The following NOP56 variants were observed in gnomAD, a reference collection of about 807,000 sequenced individuals.
NOP56 encodes the protein NOP56 ribonucleoprotein.
A neutral mutation model predicts 58.3 loss-of-function variants in NOP56; 31 were observed. That is an observed-to-expected ratio of 0.53 (90% confidence interval 0.40 to 0.72). NOP56 has a LOEUF of 0.72. Ranked by LOEUF, NOP56 falls within the 30% of genes least tolerant of loss-of-function variation. The probability of loss-of-function intolerance (pLI) is 0.00; values close to 1 mark genes in which losing one functional copy is unlikely to be tolerated. For missense variants in NOP56, 669 were observed against 739.9 expected (o/e 0.90, Z 1.11); for synonymous variants, 313 against 282.8 (o/e 1.11, Z -1.07).
In NOP56 at chr20:2,658,287, A is replaced by G; in HGVS notation, c.1778A>G (p.Glu593Gly). The change falls in exon 12 of 12, where the codon GAA (glutamate) becomes GGA (glycine). Residue 593 changes from glutamate to glycine, a missense_variant. Physicochemically the swap from Glu to Gly is moderately conservative, Grantham distance 98. This residue lies in a region of NOP56 where 209 missense variants were observed against 196.2 expected (regional missense o/e 1.07). Transcript: ENST00000329276. ...KKKKFHKASQ[E>G]D ...AAAAAGTTCCATAAAGCATCCCAGG[A>G]AGATTAGAATGCAAATGGACATTCT... The G allele has an allele frequency of 1.3e-6, 2 of 1,596,738 alleles. No individual in the cohort carries two copies. Among genetic ancestry groups the G allele is most frequent in the Non-Finnish European group, 1.7e-6 (2 of 1,171,668 alleles).
In NOP56 at chr20:2,657,099, G is replaced by C. The variant is rs758140839; in HGVS notation, c.1300G>C (p.Glu434Gln). 2 of 1,614,002 alleles carry C rather than the reference G, an allele frequency of 1.2e-6. No individual in the cohort carries two copies. Among genetic ancestry groups the C allele is most frequent in the African/African-American group, 2.7e-5 (2 of 74,910 alleles). Residue 434 changes from glutamate (E) to glutamine (Q), a missense_variant, in exon 11 of 12, where the codon GAG becomes CAG. Physicochemically the swap from Glu to Gln is conservative, Grantham distance 29. Around this residue, in one of 3 missense-constraint regions of NOP56, gnomAD observed 209 missense variants for 196.2 expected, o/e 1.07. Transcript: ENST00000329276. ...TGACCAGGCAGAGGAAGCGGCTGCT[G>C]AGATTACTAGGAAGCTGGAGAAACA... ...AMVQAEEAAA[E>Q]ITRKLEKQEK...
At chr20:2,657,018 C>G in intron 10 of NOP56, 63 bp from the exon 11 acceptor site, 1 of 1,613,882 alleles carries the variant, frequency 6.2e-7, no homozygotes, top group African/African-American at 1.3e-5. Flanking sequence ...TCCAATAAAG[C>G]CAGAAAGGAG....
At chr20:2,656,726 TA>T in intron 9 of NOP56, 47 bp from the exon 10 acceptor site, 1 of 1,614,008 alleles carries the variant, frequency 6.2e-7, no homozygotes, top group Non-Finnish European at 8.5e-7. Context: ...AGGGTTGGGG[TA>T]GTTTCTCTCT....
At chr20:2,656,937 G>C in intron 10 of NOP56, 42 bp downstream of exon 10, 2 of 1,614,048 alleles carry the variant, frequency 1.2e-6, no homozygotes, top group East Asian at 2.2e-5. Context: ...ATAGCTAGCT[G>C]TTGGAGGTGA....
In NOP56 at chr20:2,652,647, C is replaced by T. The variant is rs1412528458; in HGVS notation, c.-14C>T. 2 of 1,422,138 alleles carry T rather than the reference C, an allele frequency of 1.4e-6. No individual in the cohort carries two copies. The highest frequency in any genetic ancestry group is 2.9e-5 in the East Asian group (1 of 34,222). The allele number at this position is 1,422,138 out of a possible 1,614,324, so 88.1% of individuals were successfully genotyped here. A position where few individuals can be genotyped will look rare whatever the true frequency, so the allele number is the denominator to read the frequency against. On this transcript the variant is annotated 5_prime_UTR_variant, in exon 1 of 12. Coordinates refer to ENST00000329276, the MANE Select transcript of NOP56 (RefSeq NM_006392.4). ...CGCTAGCCGCATTGCGAGCCGAACC[C>T]GGGAGCTGGCGCCATGGTGAGGAGT...
intron 7 of NOP56, 60 bp from the exon 8 acceptor site, chr20:2,655,874 C>G: frequency 6.2e-7 from 1 of 1,611,144 alleles, no homozygotes; most frequent in Non-Finnish European, 8.5e-7. Context: ...GCAGGGCTGT[C>G]GTGCAACTGG....
Position 2,654,344 on chromosome 20 carries a change from A to T in NOP56, c.209-70A>T, listed in dbSNP as rs1314391355. ...CCAGCGTGCTCGGTGGGACCAGGGT[A>T]GTCAGCTGAGGGATGTTAGAGTTGA... is the stretch of plus-strand genomic sequence containing the variant. On this transcript the variant is annotated intron_variant, in intron 3 of 11. Transcript: ENST00000329276. 23 of 1,535,086 alleles carry T rather than the reference A, an allele frequency of 1.5e-5. 1 individual carries two copies. In the East Asian group the frequency reaches 5.0e-4, roughly 33 times the overall value.
chr20:2,652,711 GCC>G lies in NOP56; in HGVS notation c.3+49_3+50del, dbSNP rs753640362. 42 of 1,496,080 alleles carry G rather than the reference GCC, an allele frequency of 2.8e-5. No homozygotes were observed. The South Asian group carries it at 4.9e-4, about 18-fold the overall frequency. The allele number at this position is 1,496,080 out of a possible 1,614,324, so 92.7% of individuals were successfully genotyped here. A position where few individuals can be genotyped will look rare whatever the true frequency, so the allele number is the denominator to read the frequency against. ...GGGCGACGCGACGGTGGGGGTTTCG[GCC>G]TGCGTTCGGGCCGCAGACAGGGCCT... On this transcript the variant is annotated intron_variant, in intron 1 of 11. Coordinates refer to ENST00000329276, the MANE Select transcript of NOP56 (RefSeq NM_006392.4).
intron 3 of NOP56, 72 bp from the exon 4 acceptor site, chr20:2,654,342 G>A: frequency 1.3e-6 from 2 of 1,548,090 alleles, no homozygotes; most frequent in South Asian, 1.1e-5. Context: ...TGGGACCAGG[G>A]TAGTCAGCTG....
intron 1 of NOP56, 25 bp from the exon 2 acceptor site, chr20:2,652,817 G>C: frequency 1.2e-6 from 2 of 1,603,224 alleles, no homozygotes; most frequent in Non-Finnish European, 1.7e-6. Context: ...TTGCGTTGAC[G>C]CTCGCGCCCC....
intron 3 of NOP56, 93 bp from the exon 4 acceptor site, chr20:2,654,321 A>G (rs2086789373): frequency 7.5e-7 from 1 of 1,335,998 alleles, no homozygotes; most frequent in Non-Finnish European, 1.1e-6. Flanking sequence ...ATGCCATCCC[A>G]GCGTGCTCGG....
Position 2,652,866 on chromosome 20 carries a change from C to T in NOP56, c.28C>T (p.His10Tyr), listed in dbSNP as rs2086767503. 1.9e-6 allele frequency: 3 copies of T among 1,611,480 alleles called. No individual in the cohort carries two copies. The highest frequency in any genetic ancestry group is 2.5e-6 in the Non-Finnish European group (3 of 1,179,194). ...GGTGCTGTTGCACGTGCTGTTTGAG[C>T]ACGCGGTCGGCTACGCGCTGCTGGC... The part of the protein sequence containing the change: MVLLHVLFE[H>Y]AVGYALLALK... The change falls in exon 2 of 12, where the codon CAC (histidine) becomes TAC (tyrosine). Residue 10 changes from histidine to tyrosine, a missense_variant. Physicochemically the swap from His to Tyr is moderately conservative, Grantham distance 83. Around this residue, in one of 3 missense-constraint regions of NOP56, gnomAD observed 121 missense variants for 113.1 expected, o/e 1.07. Transcript: ENST00000329276.
chr20:2,656,720 T>G, intron 9 of NOP56, 54 bp from the exon 10 acceptor site: 1 of 1,613,708 alleles, frequency 6.2e-7, no homozygotes, highest in East Asian at 2.2e-5. Flanking sequence ...GAACACAGGG[T>G]TGGGGTAGTT....
chr20:2,653,370 A>C lies in NOP56; in HGVS notation c.185A>C (p.Glu62Ala). Residue 62 changes from glutamate (E) to alanine (A), a missense_variant, in exon 3 of 12, where the codon GAA (glutamate) becomes GCA (alanine). This residue lies in a region of NOP56 where 121 missense variants were observed against 113.1 expected (regional missense o/e 1.07). Transcript: ENST00000329276. ...TTTGCCTCATCCCAGGTTGCCTTGGAAAATGCCAACGCCGTGTCTGAAGGT... is the reference window on the plus strand; with the variant it reads ...TTTGCCTCATCCCAGGTTGCCTTGGCAAATGCCAACGCCGTGTCTGAAGGT... Reference protein sequence around the residue: ...CPFASSQVALENANAVSEGVV... With the variant: ...CPFASSQVALANANAVSEGVV... 5 of 1,614,086 alleles carry C rather than the reference A, an allele frequency of 3.1e-6. No homozygotes were observed. Among genetic ancestry groups the C allele is most frequent in the Non-Finnish European group, 4.2e-6 (5 of 1,179,934 alleles).
At chr20:2,655,081 T>C (rs1412092859) in intron 5 of NOP56, 134 bp downstream of exon 5, 1 of 1,157,800 alleles carries the variant, frequency 8.6e-7, no homozygotes, top group Admixed American at 1.7e-5. Flanking sequence ...TCCTGGTGCT[T>C]ACCACAGGCT....
chr20:2,655,274 A>G (rs371858580), intron 5 of NOP56, 51 bp from the exon 6 acceptor site: 55 of 1,606,092 alleles, frequency 3.4e-5, no homozygotes, highest in Admixed American at 2.0e-4. Flanking sequence ...CTGTAGCTCT[A>G]TGGTTTTTGA....
intron 10 of NOP56, 45 bp downstream of exon 10, chr20:2,656,940 G>A (rs767887367): frequency 6.2e-7 from 1 of 1,613,984 alleles, no homozygotes; most frequent in Non-Finnish European, 8.5e-7. Context: ...GCTAGCTGTT[G>A]GAGGTGATGA....
chr20:2,653,990 C>A (rs930669535), intron 3 of NOP56, among the ~76,000 whole-genome samples: 3 of 152,172 alleles, frequency 2.0e-5, no homozygotes, highest in Non-Finnish European at 4.4e-5. Context: ...CGGCTTAACA[C>A]CTACTTGTGC....
intron 3 of NOP56, chr20:2,653,776 C>T (rs2037449625): frequency 1.2e-5 from 3 of 242,600 alleles, no homozygotes; most frequent in South Asian, 4.8e-5. Flanking sequence ...CTCAGCCTCC[C>T]GAGTAACTGG....
Sources: gnomAD v4.1 joint callset for allele counts (sites outside exome capture counted in the v4.1 genomes callset) on GRCh38, gnomAD v4.1.1 for gene constraint, gnomAD v4.1.1 regional missense constraint, MANE v1.5 for transcripts, NCBI Gene and HGNC (gene_info 2026-07-23, HGNC 2026-07-21) for gene names.